ADGRL2: variants seen among roughly 807,000 people sequenced by gnomAD.
ADGRL2 encodes adhesion G protein-coupled receptor L2.
A neutral mutation model predicts 157.4 loss-of-function variants in ADGRL2; 44 were observed. The observed-to-expected ratio is 0.28, with a 90% CI of 0.22 to 0.36. The LOEUF (loss-of-function observed/expected upper bound fraction) is 0.36. Ranked by LOEUF, ADGRL2 falls within the 10% of genes least tolerant of loss-of-function variation. The pLI, the probability that ADGRL2 is intolerant of heterozygous loss-of-function variation, is 1.00. For synonymous variants in ADGRL2, 585 were observed against 624.7 expected (o/e 0.94, Z 0.95); for missense variants, 1,510 against 1,768.9 (o/e 0.85, Z 2.63).
At chr1:81,963,150 T>C (rs1022689680) in intron 11 of ADGRL2, among the ~76,000 whole-genome samples, 8 of 143,820 alleles carry the variant, frequency 5.6e-5, no homozygotes, top group Non-Finnish European at 1.1e-4. Context: ...TCAGATTTGT[T>C]CCTAGACAAC....
At chr1:81,503,298 C>G in intron 2 of ADGRL2, 1 of 1,614,202 alleles carries the variant, frequency 6.2e-7, no homozygotes, top group Non-Finnish European at 8.5e-7. Flanking sequence ...ATGGCACCAC[C>G]TACGCAGGTG....
At chr1:81,659,584 A>C (rs956164454) in intron 3 of ADGRL2, among the ~76,000 whole-genome samples, 1 of 152,186 alleles carries the variant, frequency 6.6e-6, no homozygotes, top group African/African-American at 2.4e-5. Flanking sequence ...GCATTCATTT[A>C]AAAAATGGAT....
chr1:81,390,197 A>G (rs186459641), intron 1 of ADGRL2, among the ~76,000 whole-genome samples: 73 of 152,272 alleles, frequency 4.8e-4, no homozygotes, highest in African/African-American at 1.6e-3. Flanking sequence ...GAGTTTTCTT[A>G]TAATATTAAT....
At chr1:81,394,879 TTTTATTTATTTA>T (rs57145205) in intron 1 of ADGRL2, among the ~76,000 whole-genome samples, 62,956 of 143,000 alleles carry the variant, frequency 0.44, 15,159 homozygotes, top group East Asian at 0.89. Context: ...TGTCTCTCTT[TTTTATTTATTTA>T]TTTATTTATT....
intron 2 of ADGRL2, among the ~76,000 whole-genome samples, chr1:81,851,366 T>C (rs1173282931): frequency 6.6e-6 from 1 of 151,860 alleles, no homozygotes; most frequent in Non-Finnish European, 1.5e-5. Context: ...TTTGAGAATA[T>C]GTTTTAGAGT....
At chr1:81,910,914 G>T (rs2094705605) in intron 3 of ADGRL2, among the ~76,000 whole-genome samples, 1 of 151,308 alleles carries the variant, frequency 6.6e-6, no homozygotes, top group Admixed American at 6.6e-5. Context: ...CATTAAATTT[G>T]AAAGCCCCCC....
chr1:81,612,997 A>G (rs1033040467), intron 3 of ADGRL2, among the ~76,000 whole-genome samples: 15 of 152,206 alleles, frequency 9.9e-5, no homozygotes, highest in Admixed American at 9.8e-4. Context: ...TGATCATGAC[A>G]TGGTCCCTGT....
chr1:81,399,110 A>T (rs2076707151), intron 1 of ADGRL2, among the ~76,000 whole-genome samples: 1 of 152,186 alleles, frequency 6.6e-6, no homozygotes, highest in South Asian at 2.1e-4. Context: ...AAGCAAGCAC[A>T]TCTTACCATG....
chr1:81,375,617 G>A (rs1364218890), intron 1 of ADGRL2, among the ~76,000 whole-genome samples: 1 of 152,152 alleles, frequency 6.6e-6, no homozygotes, highest in Admixed American at 6.5e-5. Flanking sequence ...TCTACTATTG[G>A]TTCTAGGATT....
Position 81,850,289 on chromosome 1 carries a change from A to G in ADGRL2, c.73+13232A>G, listed in dbSNP as rs529038971. Among the ~76,000 whole-genome samples, 33 of 151,900 alleles carry G rather than the reference A, an allele frequency of 2.2e-4. No individual in the cohort carries two copies. In the South Asian group the frequency reaches 6.8e-3, roughly 32 times the overall value. On this transcript the variant is annotated intron_variant, in intron 2 of 23. Transcript: ENST00000686636. ...ACTCTGTTCTATGTCTTGTCTTAGC[A>G]CTGCTTTAAGTTCTCTTCGTTGTCT...
chr1:81,460,089 C>A (rs1571027415), intron 2 of ADGRL2, among the ~76,000 whole-genome samples: 1 of 151,878 alleles, frequency 6.6e-6, no homozygotes, highest in South Asian at 2.1e-4. Context: ...TATTTCCCTG[C>A]TGATTAGTGA....
At chr1:81,516,807 A>G (rs1570353268) in intron 2 of ADGRL2, among the ~76,000 whole-genome samples, 1 of 151,852 alleles carries the variant, frequency 6.6e-6, no homozygotes, top group South Asian at 2.1e-4. Flanking sequence ...TTTACACCCA[A>G]CCCCTCCATT....
chr1:81,584,057 C>T (rs528445615), intron 3 of ADGRL2, among the ~76,000 whole-genome samples: 30 of 152,244 alleles, frequency 2.0e-4, no homozygotes, highest in Admixed American at 1.6e-3. Context: ...ATTAGGCACA[C>T]GCTTATGTAT....
At chr1:81,469,976 T>C (rs1028647048) in intron 2 of ADGRL2, among the ~76,000 whole-genome samples, 1 of 152,170 alleles carries the variant, frequency 6.6e-6, no homozygotes, top group African/African-American at 2.4e-5. Flanking sequence ...GCTTAATAAA[T>C]GTTTCTGCAC....
chr1:81,958,832 G>A lies in ADGRL2; in HGVS notation c.2017+2772G>A, dbSNP rs574350058. ...ATCAGAAACCACTGATGTGCTTTTC[G>A]TCCATGTAGATTAGTTTTGCTTTTT... On this transcript the variant is annotated intron_variant, in intron 11 of 23. Coordinates refer to ENST00000686636, the MANE Select transcript of ADGRL2 (RefSeq NM_001366006.2). 2.2e-4 allele frequency among the ~76,000 whole-genome samples: 34 copies of A among 152,134 alleles called. No homozygotes were observed. In the South Asian group the frequency reaches 6.4e-3, roughly 29 times the overall value.
chr1:81,500,348 C>T (rs2078819973), intron 2 of ADGRL2, among the ~76,000 whole-genome samples: 1 of 152,114 alleles, frequency 6.6e-6, no homozygotes, highest in Non-Finnish European at 1.5e-5. Flanking sequence ...GATGTTTGTA[C>T]CACAGTGTTA....
intron 1 of ADGRL2, among the ~76,000 whole-genome samples, chr1:81,356,971 A>AAAAAAAAAAAAAAAAAAGAAG (rs80327519): frequency 1.1e-4 from 11 of 99,396 alleles, no homozygotes; most frequent in Non-Finnish European, 1.6e-4. Context: ...AAAAAAAAAA[A>AAAAAAAAAAAAAAAAAAGAAG]AAGAAGTTGT....
Position 81,968,012 on chromosome 1 carries a change from A to T in ADGRL2, c.2350-14A>T. Reference sequence around the variant, plus strand: ...TATAAAATCCTAATTTTATCTTGTCATTTTATTTCCCAGCCTGACAATTAT... The same window carrying T: ...TATAAAATCCTAATTTTATCTTGTCTTTTTATTTCCCAGCCTGACAATTAT... On this transcript the variant is annotated splice_polypyrimidine_tract_variant and intron_variant, in intron 13 of 23. Transcript: ENST00000686636. 6.2e-7 allele frequency: 1 copy of T among 1,609,436 alleles called. No individual in the cohort carries two copies. The highest frequency in any genetic ancestry group is 8.5e-7 in the Non-Finnish European group (1 of 1,176,120).
intron 2 of ADGRL2, among the ~76,000 whole-genome samples, chr1:81,475,656 A>G: frequency 6.6e-6 from 1 of 152,158 alleles, no homozygotes; most frequent in African/African-American, 2.4e-5. Flanking sequence ...GATCTCTCAT[A>G]CTAAAAGGAT....
Sources: gnomAD v4.1 joint callset for allele counts (sites outside exome capture counted in the v4.1 genomes callset) on GRCh38, gnomAD v4.1.1 for gene constraint, MANE v1.5 for transcripts, NCBI Gene and HGNC (gene_info 2026-07-23, HGNC 2026-07-21) for gene names.